Variants in BRINP3 observed in about 807,000 individuals in gnomAD.
BRINP3 encodes BMP/retinoic acid-inducible neural-specific protein 3.
In BRINP3, 19 loss-of-function variants were observed where a neutral mutation model predicts 71.0. The ratio of observed to expected loss-of-function variants is 0.27; its 90% confidence interval spans 0.19 to 0.39. The LOEUF is 0.39. Ranked by LOEUF, BRINP3 falls within the 10% of genes least tolerant of loss-of-function variation. The pLI, the probability that BRINP3 is intolerant of heterozygous loss-of-function variation, is 1.00. For missense variants in BRINP3, 959 were observed against 940.8 expected, an observed-to-expected ratio of 1.02 and a Z score of -0.25; for synonymous variants, 380 against 337.7, an observed-to-expected ratio of 1.13 and a Z score of -1.37.
chr1:190,181,407 C>T (rs72729143), intron 6 of BRINP3, among the ~76,000 whole-genome samples: 9,790 of 151,906 alleles, frequency 0.064, 446 homozygotes, highest in East Asian at 0.11. Context: ...TATGTTAAGG[C>T]TTGAGTCTGC....
intron 2 of BRINP3, among the ~76,000 whole-genome samples, chr1:190,386,152 G>C (rs1045113455): frequency 6.7e-6 from 1 of 148,620 alleles, no homozygotes; most frequent in African/African-American, 2.5e-5. Flanking sequence ...AGTGGTTGCA[G>C]CGCACCAGCA....
At chr1:190,353,584 G>C (rs994913656) in intron 2 of BRINP3, among the ~76,000 whole-genome samples, 1 of 151,976 alleles carries the variant, frequency 6.6e-6, no homozygotes, top group Non-Finnish European at 1.5e-5. Flanking sequence ...GGCTATCAAA[G>C]TTTCTTGATT....
chr1:190,318,987 C>T lies in BRINP3; in HGVS notation c.237-37237G>A, dbSNP rs868633094. On this transcript the variant is annotated intron_variant, in intron 2 of 7. Coordinates refer to ENST00000367462, the MANE Select transcript of BRINP3 (RefSeq NM_199051.3). ...TTTATGAATTGAACAGCTTTAATTA[C>T]CTTATCTTCATGAATGAGTGAAAGC... Among the ~76,000 whole-genome samples the T allele has an allele frequency of 3.9e-5, 6 of 152,082 alleles. No homozygotes were observed. The South Asian group carries it at 8.3e-4, about 21-fold the overall frequency.
chr1:190,332,684 G>A (rs1198246427), intron 2 of BRINP3, among the ~76,000 whole-genome samples: 1 of 151,922 alleles, frequency 6.6e-6, no homozygotes, highest in African/African-American at 2.4e-5. Context: ...GGAAATAAAG[G>A]CACATTTCTA....
intron 2 of BRINP3, among the ~76,000 whole-genome samples, chr1:190,352,428 G>A (rs1668448206): frequency 6.6e-6 from 1 of 151,888 alleles, no homozygotes; most frequent in Non-Finnish European, 1.5e-5. Context: ...CAATGAGAAA[G>A]ACAGTATCAC....
chr1:190,166,526 G>A (rs1177357882), intron 6 of BRINP3, among the ~76,000 whole-genome samples: 1 of 151,956 alleles, frequency 6.6e-6, no homozygotes, highest in African/African-American at 2.4e-5. Context: ...GGAGGGATTG[G>A]GTGTATCATT....
intron 2 of BRINP3, among the ~76,000 whole-genome samples, chr1:190,401,167 G>A (rs577590271): frequency 6.6e-6 from 1 of 152,042 alleles, no homozygotes; most frequent in South Asian, 2.1e-4. Context: ...AGACCAGGCT[G>A]GCCAACATTG....
intron 7 of BRINP3, among the ~76,000 whole-genome samples, chr1:190,126,222 A>G (rs1204448938): frequency 6.6e-6 from 1 of 152,020 alleles, no homozygotes; most frequent in African/African-American, 2.4e-5. Context: ...CCTAAGAACA[A>G]TTTAAAAAAT....
rs1264043544 is a variant in BRINP3, at chr1:190,213,339, T to A, written c.961+12743A>T. On this transcript the variant is annotated intron_variant, in intron 6 of 7. Coordinates refer to ENST00000367462, the MANE Select transcript of BRINP3 (RefSeq NM_199051.3). The stretch of plus-strand genomic sequence containing the variant: ...TCACAACCAATACACAACAGACAAG[T>A]GATATGAACAAAGTGAACTTCAGTG... 2.0e-5 allele frequency among the ~76,000 whole-genome samples: 3 copies of A among 152,000 alleles called. No homozygotes were observed. In the South Asian group the frequency reaches 6.2e-4, roughly 32 times the overall value.
In BRINP3 at chr1:190,463,904, T is replaced by C. The variant is rs544012743; in HGVS notation, c.-50-8964A>G. On this transcript the variant is annotated intron_variant, in intron 1 of 7. Coordinates refer to ENST00000367462, the MANE Select transcript of BRINP3 (RefSeq NM_199051.3). ...AGATGTCAGATAATTCTTCAAGATATGAAATCTTGTTTTGCACAATGTAGG... is the reference window on the plus strand; with the variant it reads ...AGATGTCAGATAATTCTTCAAGATACGAAATCTTGTTTTGCACAATGTAGG... Among the ~76,000 whole-genome samples, 7 of 152,050 alleles carry C rather than the reference T, an allele frequency of 4.6e-5. No homozygotes were observed. In the South Asian group the frequency reaches 1.2e-3, roughly 27 times the overall value.
At chr1:190,278,266 G>T (rs563112360) in intron 3 of BRINP3, among the ~76,000 whole-genome samples, 1 of 151,566 alleles carries the variant, frequency 6.6e-6, no homozygotes, top group Admixed American at 6.6e-5. Context: ...TGTTAAAAAG[G>T]TTTGCTTATA....
chr1:190,120,010 T>C (rs1385213959), intron 7 of BRINP3, among the ~76,000 whole-genome samples: 2 of 152,242 alleles, frequency 1.3e-5, no homozygotes, highest in African/African-American at 4.8e-5. Flanking sequence ...CAAGTAGATA[T>C]GGTACTTCTC....
At chr1:190,460,600 G>A (rs1375786331) in intron 1 of BRINP3, among the ~76,000 whole-genome samples, 1 of 152,088 alleles carries the variant, frequency 6.6e-6, no homozygotes. Flanking sequence ...AGACAGAGGT[G>A]GGCCTTAAGT....
chr1:190,160,591 C>G, intron 7 of BRINP3, 77 bp downstream of exon 7: 1 of 1,192,668 alleles, frequency 8.4e-7, no homozygotes. Context: ...TATTAACACA[C>G]CTGCATTCAG....
chr1:190,200,936 C>G (rs1302792121), intron 6 of BRINP3, among the ~76,000 whole-genome samples: 1 of 152,054 alleles, frequency 6.6e-6, no homozygotes, highest in East Asian at 1.9e-4. Context: ...TTGAGTATGT[C>G]TTTATCAGCA....
intron 7 of BRINP3, among the ~76,000 whole-genome samples, chr1:190,149,482 A>G (rs1435472614): frequency 2.0e-5 from 3 of 152,212 alleles, no homozygotes; most frequent in Non-Finnish European, 2.9e-5. Flanking sequence ...AGATGAGGTT[A>G]TAAAAGAAAA....
At chr1:190,215,075 C>A (rs1161559615) in intron 6 of BRINP3, among the ~76,000 whole-genome samples, 4 of 139,802 alleles carry the variant, frequency 2.9e-5, no homozygotes, top group Non-Finnish European at 4.6e-5. Flanking sequence ...AAGATAATAG[C>A]AATCCATGTA....
intron 7 of BRINP3, among the ~76,000 whole-genome samples, chr1:190,114,552 G>GTGTT (rs1378101670): frequency 2.0e-5 from 3 of 152,010 alleles, no homozygotes; most frequent in South Asian, 2.1e-4. Flanking sequence ...GTGTGTGTGT[G>GTGTT]TGTGTGTGTG....
At chr1:190,213,432 C>A (rs376990007) in intron 6 of BRINP3, among the ~76,000 whole-genome samples, 1 of 151,984 alleles carries the variant, frequency 6.6e-6, no homozygotes, top group African/African-American at 2.4e-5. Flanking sequence ...GTCTGACATA[C>A]GACCTCAAAC....
Sources: gnomAD v4.1 joint callset for allele counts (sites outside exome capture counted in the v4.1 genomes callset) on GRCh38, gnomAD v4.1.1 for gene constraint, MANE v1.5 for transcripts, NCBI Gene and HGNC (gene_info 2026-07-23, HGNC 2026-07-21) for gene names.